The following VWA3B variants were observed in gnomAD, a reference collection of about 807,000 sequenced individuals.
VWA3B encodes the protein von Willebrand factor A domain containing 3B, also known as von Willebrand factor A domain-containing protein 3B.
A neutral mutation model predicts 158.3 loss-of-function variants in VWA3B; 138 were observed. That is an observed-to-expected ratio of 0.87 (90% CI 0.76 to 1.00). The LOEUF is 1.00. Among genes scored for constraint, VWA3B ranks in the 50% least tolerant of loss-of-function variants. The pLI is 0.00. For synonymous variants in VWA3B, 596 were observed against 587.3 expected (o/e 1.01, Z -0.21); for missense variants, 1,555 against 1,565.1 (o/e 0.99, Z 0.11).
At chr2:98,129,265 A>T (rs1276675655) in intron 6 of VWA3B, among the ~76,000 whole-genome samples, 4 of 122,690 alleles carry the variant, frequency 3.3e-5, no homozygotes, top group African/African-American at 1.3e-4. Flanking sequence ...GTGTGGAGAG[A>T]GAGGGAGGAG....
chr2:98,327,557 G>A, the VWA3B span, among the ~76,000 whole-genome samples: 9 of 152,294 alleles, frequency 5.9e-5, no homozygotes. Context: ...GTTAATTCCA[G>A]TTGAAGAGCT....
In VWA3B at chr2:98,217,873, A is replaced by T; in HGVS notation, c.1864A>T (p.Lys622Ter). 1 of 1,610,286 alleles carries T rather than the reference A, an allele frequency of 6.2e-7. No individual in the cohort carries two copies. The highest frequency in any genetic ancestry group is 1.1e-5 in the South Asian group (1 of 90,590). Residue 622 changes from lysine to a stop codon, truncating the protein, a stop_gained, in exon 14 of 28, where the codon AAA becomes TAA. Transcript: ENST00000477737. LOFTEE classifies it high-confidence loss of function. ...ACCTGAAACAGTTATAGACCAGGTC[A>T]AACGTTTTCAGGAAATTCCTATTTA... ...QPPETVIDQV[K>*]RFQEIPIYTI...
intron 8 of VWA3B, among the ~76,000 whole-genome samples, chr2:98,163,557 C>T (rs1459111532): frequency 1.3e-5 from 2 of 152,034 alleles, no homozygotes; most frequent in African/African-American, 2.4e-5. Flanking sequence ...ACAACAACAA[C>T]AATAACAATA....
intron 4 of VWA3B, among the ~76,000 whole-genome samples, chr2:98,120,841 G>A (rs1674902018): frequency 6.6e-6 from 1 of 152,014 alleles, no homozygotes; most frequent in Admixed American, 6.5e-5. Context: ...GCAACCTATG[G>A]GAATCTTTCA....
chr2:98,190,364 CACAAT>C (rs1681475220), intron 10 of VWA3B, among the ~76,000 whole-genome samples: 1 of 152,192 alleles, frequency 6.6e-6, no homozygotes, highest in South Asian at 2.1e-4. Context: ...GCATGCATTA[CACAAT>C]ACATTCTAAA....
chr2:98,266,184 C>A (rs1464816196), intron 21 of VWA3B, among the ~76,000 whole-genome samples: 3 of 151,038 alleles, frequency 2.0e-5, no homozygotes, highest in Non-Finnish European at 4.4e-5. Flanking sequence ...TTAGGTCTAA[C>A]GTTTAAGTCT....
intron 23 of VWA3B, among the ~76,000 whole-genome samples, chr2:98,293,846 C>G (rs1175418389): frequency 6.6e-6 from 1 of 152,000 alleles, no homozygotes; most frequent in Admixed American, 6.6e-5. Flanking sequence ...CCAATAATGG[C>G]CTTTATCACA....
At chr2:98,182,080 T>C (rs1479933522) in intron 9 of VWA3B, among the ~76,000 whole-genome samples, 1 of 152,224 alleles carries the variant, frequency 6.6e-6, no homozygotes, top group Non-Finnish European at 1.5e-5. Flanking sequence ...AAGTTCCAGG[T>C]ACATGCTGTG....
intron 22 of VWA3B, among the ~76,000 whole-genome samples, chr2:98,276,173 G>A (rs576907342): frequency 6.6e-6 from 1 of 152,268 alleles, no homozygotes; most frequent in East Asian, 1.9e-4. Context: ...CTTTCCACTC[G>A]TGGCATGGCT....
chr2:98,267,085 T>C (rs1464258436), intron 21 of VWA3B, among the ~76,000 whole-genome samples: 2 of 152,018 alleles, frequency 1.3e-5, no homozygotes, highest in East Asian at 3.9e-4. Context: ...AACACTATGT[T>C]GAATAGGAGT....
intron 8 of VWA3B, among the ~76,000 whole-genome samples, chr2:98,178,195 G>C (rs758041661): frequency 7.9e-5 from 12 of 152,104 alleles, no homozygotes; most frequent in Non-Finnish European, 1.8e-4. Context: ...AGAAGCCTCT[G>C]GCTTGAGCTC....
intron 22 of VWA3B, among the ~76,000 whole-genome samples, chr2:98,277,018 C>T (rs941996808): frequency 1.3e-5 from 2 of 152,222 alleles, no homozygotes; most frequent in African/African-American, 2.4e-5. Flanking sequence ...TATGCTCCAG[C>T]TTCCACGGGC....
chr2:98,298,099 C>G (rs1304198739), intron 24 of VWA3B, 68 bp downstream of exon 24: 10 of 1,364,806 alleles, frequency 7.3e-6, no homozygotes, highest in Middle Eastern at 2.8e-4. Flanking sequence ...AACAGAACGC[C>G]AAGGCCACTG....
At chr2:98,136,895 T>A (rs1030710276) in intron 7 of VWA3B, among the ~76,000 whole-genome samples, 2 of 152,240 alleles carry the variant, frequency 1.3e-5, no homozygotes, top group African/African-American at 4.8e-5. Flanking sequence ...TAGGTGCAAT[T>A]ATACAGTATT....
chr2:98,109,361 C>T (rs1673951795), intron 2 of VWA3B, among the ~76,000 whole-genome samples: 1 of 152,110 alleles, frequency 6.6e-6, no homozygotes, highest in South Asian at 2.1e-4. Flanking sequence ...ATTATGAATA[C>T]ATACATTATC....
At chr2:98,173,554 A>C (rs1373908747) in intron 8 of VWA3B, among the ~76,000 whole-genome samples, 1 of 152,218 alleles carries the variant, frequency 6.6e-6, no homozygotes, top group African/African-American at 2.4e-5. Flanking sequence ...TTTCTCCCCA[A>C]ATTTGGGAGA....
intron 17 of VWA3B, 22 bp downstream of exon 17, chr2:98,234,789 T>C: frequency 6.2e-7 from 1 of 1,614,028 alleles, no homozygotes; most frequent in South Asian, 1.1e-5. Context: ...AGCATCTCTG[T>C]GGCCAACCAG....
intron 21 of VWA3B, among the ~76,000 whole-genome samples, chr2:98,269,090 G>T (rs1351191485): frequency 6.6e-6 from 1 of 151,992 alleles, no homozygotes; most frequent in Non-Finnish European, 1.5e-5. Context: ...ATTTGATTGG[G>T]CCATTTCCTC....
intron 17 of VWA3B, among the ~76,000 whole-genome samples, chr2:98,235,591 A>G (rs1373721353): frequency 6.6e-6 from 1 of 152,000 alleles, no homozygotes; most frequent in Non-Finnish European, 1.5e-5. Flanking sequence ...AGGCCAAGCT[A>G]ATTTTTGTAT....
Sources: gnomAD v4.1 joint callset for allele counts (sites outside exome capture counted in the v4.1 genomes callset) on GRCh38, gnomAD v4.1.1 for gene constraint, MANE v1.5 for transcripts, NCBI Gene and HGNC (gene_info 2026-07-23, HGNC 2026-07-21) for gene names.